PITPNM2: variants seen among roughly 807,000 people sequenced by gnomAD.
PITPNM2 encodes phosphatidylinositol transfer protein membrane associated 2.
PITPNM2 carries 35 observed loss-of-function variants against 132.2 expected under a neutral mutation model. The observed-to-expected ratio is 0.26, with a 90% CI of 0.20 to 0.35. The LOEUF (loss-of-function observed/expected upper bound fraction) is 0.35, where lower values mean the gene tolerates loss of function less well. PITPNM2 is among the 10% of genes least tolerant of loss of function. PITPNM2 has a pLI of 1.00. For missense variants in PITPNM2, 1,332 were observed against 1,912.0 expected (o/e 0.70, Z 5.66); for synonymous variants, 738 against 799.2 (o/e 0.92, Z 1.29).
rs557921403 is a variant in PITPNM2, at chr12:123,063,332, TG to T, written c.-95-28648del. On this transcript the variant is annotated intron_variant, in intron 2 of 25. Coordinates refer to ENST00000320201, the MANE Select transcript of PITPNM2 (RefSeq NM_020845.3). ...CCTTAGATAGGTGGCCTTGGGCAGG[TG>T]GCCTGCGCCCCTGGCTGGGCTGCAT... Among the ~76,000 whole-genome samples, 24 of 152,342 alleles carry T rather than the reference TG, an allele frequency of 1.6e-4. No individual in the cohort carries two copies. In the East Asian group the frequency reaches 4.4e-3, roughly 28 times the overall value.
At chr12:123,017,369 CAA>C (rs369237271) in intron 3 of PITPNM2, among the ~76,000 whole-genome samples, 24 of 90,644 alleles carry the variant, frequency 2.6e-4, no homozygotes, top group Non-Finnish European at 2.6e-4. Context: ...GACTCCATCT[CAA>C]AAAAAAAAAA....
chr12:123,091,069 C>T (rs192823260), intron 2 of PITPNM2: 1 of 152,352 alleles, frequency 6.6e-6, no homozygotes, highest in African/African-American at 2.4e-5. Flanking sequence ...GATTCAGCCA[C>T]TCACACGGTT....
Position 123,073,835 on chromosome 12 carries a change from C to T in PITPNM2, c.-96+36550G>A, listed in dbSNP as rs529661853. Among the ~76,000 whole-genome samples, 81 of 152,218 alleles carry T rather than the reference C, an allele frequency of 5.3e-4. 1 individual carries two copies. Among genetic ancestry groups the T allele is most frequent in the Admixed American group, 5.2e-3 (80 of 15,288 alleles). ...AGGGGGCTCTCCTCCAGCTCATCCC[C>T]AGGCTGCCTGCTCCTTCCTCTCTCT... On this transcript the variant is annotated intron_variant, in intron 2 of 25. Coordinates refer to ENST00000320201, the MANE Select transcript of PITPNM2 (RefSeq NM_020845.3).
At chr12:123,069,844 C>T (rs1399157509) in intron 2 of PITPNM2, among the ~76,000 whole-genome samples, 1 of 152,202 alleles carries the variant, frequency 6.6e-6, no homozygotes, top group Non-Finnish European at 1.5e-5. Flanking sequence ...GAACAGTTGT[C>T]TGACCTTGGG....
intron 4 of PITPNM2, among the ~76,000 whole-genome samples, chr12:123,013,378 G>T (rs564888508): frequency 4.3e-4 from 65 of 152,338 alleles, no homozygotes; most frequent in Middle Eastern, 3.4e-3. Context: ...CCCAAGGACA[G>T]CCCTGCTCAG....
intron 1 of PITPNM2, among the ~76,000 whole-genome samples, chr12:123,141,893 G>GT (rs1316550352): frequency 2.6e-5 from 4 of 152,180 alleles, no homozygotes; most frequent in Non-Finnish European, 4.4e-5. Context: ...CTTGGACTCG[G>GT]TTTTTTCCAG....
chr12:123,143,837 C>T (rs2043556939), intron 1 of PITPNM2, among the ~76,000 whole-genome samples: 1 of 152,170 alleles, frequency 6.6e-6, no homozygotes. Flanking sequence ...GCACCTAAGA[C>T]AAGCAAACAC....
chr12:123,060,721 G>A (rs1320580109), intron 2 of PITPNM2, among the ~76,000 whole-genome samples: 4 of 152,210 alleles, frequency 2.6e-5, no homozygotes, highest in Non-Finnish European at 5.9e-5. Flanking sequence ...CAGGGTGGAA[G>A]GTGGAGCTCA....
chr12:123,085,623 C>T (rs1406783496), intron 2 of PITPNM2, among the ~76,000 whole-genome samples: 1 of 151,826 alleles, frequency 6.6e-6, no homozygotes, highest in Non-Finnish European at 1.5e-5. Context: ...GTACTTATGC[C>T]AATGAACTAT....
intron 2 of PITPNM2, chr12:123,105,519 C>T (rs1455121201): frequency 1.3e-5 from 2 of 152,150 alleles, no homozygotes; most frequent in Non-Finnish European, 2.9e-5. Context: ...AAGCGATTGT[C>T]CCAGGCAGGG....
At chr12:123,024,520 CA>C (rs1209097538) in intron 3 of PITPNM2, among the ~76,000 whole-genome samples, 1 of 152,138 alleles carries the variant, frequency 6.6e-6, no homozygotes, top group Non-Finnish European at 1.5e-5. Flanking sequence ...GGAAACAACC[CA>C]AATGTCCACC....
Position 122,983,484 on chromosome 12 carries a change from C to T in PITPNM2, c.*2543G>A, listed in dbSNP as rs1051364933. On this transcript the variant is annotated 3_prime_UTR_variant, in exon 26 of 26. Coordinates refer to ENST00000320201, the MANE Select transcript of PITPNM2 (RefSeq NM_020845.3). The stretch of plus-strand genomic sequence containing the variant: ...TGCAGTAAAGAGATCCAGAAGGAAG[C>T]CTTCCCGCTTCTTTAATTGGTGTAA... The T allele has an allele frequency of 6.5e-6, 1 of 152,708 alleles. No individual in the cohort carries two copies. Among genetic ancestry groups the T allele is most frequent in the Non-Finnish European group, 1.5e-5 (1 of 68,122 alleles). The allele number at this position is 152,708 out of a possible 1,614,324, so 9.5% of individuals were successfully genotyped here. A position where few individuals can be genotyped will look rare whatever the true frequency, so the allele number is the denominator to read the frequency against.
intron 3 of PITPNM2, among the ~76,000 whole-genome samples, chr12:123,029,537 G>T (rs1044098108): frequency 6.6e-6 from 1 of 152,220 alleles, no homozygotes; most frequent in Admixed American, 6.5e-5. Context: ...AGTGAGCTGA[G>T]ATTACACCAC....
At chr12:123,061,527 G>A (rs908326838) in intron 2 of PITPNM2, among the ~76,000 whole-genome samples, 4 of 152,262 alleles carry the variant, frequency 2.6e-5, no homozygotes, top group Admixed American at 1.3e-4. Context: ...CGTCAGGCAT[G>A]GCTTGGGCAG....
chr12:123,123,986 T>C (rs1039631429), intron 1 of PITPNM2, among the ~76,000 whole-genome samples: 41 of 151,482 alleles, frequency 2.7e-4, no homozygotes, highest in Middle Eastern at 3.4e-3. Context: ...CCAGGCACAG[T>C]GGCTCACACC....
At chr12:123,069,293 C>T (rs1439348887) in intron 2 of PITPNM2, among the ~76,000 whole-genome samples, 1 of 151,974 alleles carries the variant, frequency 6.6e-6, no homozygotes, top group Non-Finnish European at 1.5e-5. Flanking sequence ...TGCGCTGCTC[C>T]CAGACCTGCT....
chr12:122,989,760 G>C lies in PITPNM2; in HGVS notation c.2731+27C>G, dbSNP rs368582930. 31 of 1,365,832 alleles carry C rather than the reference G, an allele frequency of 2.3e-5. No individual in the cohort carries two copies. In the South Asian group the frequency reaches 2.6e-4, roughly 11 times the overall value. 84.6% of individuals were successfully genotyped at this position (1,365,832 alleles called of 1,614,324 possible). A position where few individuals can be genotyped will look rare whatever the true frequency, so the allele number is the denominator to read the frequency against. ...GTGCTCAGCAGCAGAGTGACCCCCA[G>C]TGAGGGGAAAGTGTGTGGGGTGGTA... On this transcript the variant is annotated intron_variant, in intron 18 of 25. Transcript: ENST00000320201.
In PITPNM2 at chr12:123,099,536, A is replaced by G. The variant is rs1041777311; in HGVS notation, c.-96+10849T>C. Among the ~76,000 whole-genome samples the G allele has an allele frequency of 1.3e-5, 2 of 152,178 alleles. No homozygotes were observed. The highest frequency in any genetic ancestry group is 2.9e-5 in the Non-Finnish European group (2 of 68,016). On this transcript the variant is annotated intron_variant, in intron 2 of 25. Transcript: ENST00000320201. The surrounding 1 kb of genome is among the most constrained non-coding windows in gnomAD (Gnocchi z 4.2). ...GACTTCCCACAAGCTCCTGGTCTGA[A>G]CATCATCTCCTTCCACATGGCCGAT... is the stretch of plus-strand genomic sequence containing the variant.
At chr12:123,065,750 G>A (rs2041389316) in intron 2 of PITPNM2, among the ~76,000 whole-genome samples, 1 of 152,186 alleles carries the variant, frequency 6.6e-6, no homozygotes, top group South Asian at 2.1e-4. Context: ...AGCCTTAGGG[G>A]ACATCATCCC....
Sources: gnomAD v4.1 joint callset for allele counts (sites outside exome capture counted in the v4.1 genomes callset) on GRCh38, gnomAD v4.1.1 for gene constraint, Gnocchi (gnomAD v3.1) non-coding constraint, MANE v1.5 for transcripts, NCBI Gene and HGNC (gene_info 2026-07-23, HGNC 2026-07-21) for gene names.